STIM2: variants seen among roughly 807,000 people sequenced by gnomAD.
STIM2 encodes stromal interaction molecule 2.
In STIM2, 31 loss-of-function variants were observed where a neutral mutation model predicts 85.8. That is an observed-to-expected ratio of 0.36 (90% CI 0.27 to 0.49). The LOEUF (loss-of-function observed/expected upper bound fraction) is 0.49, where lower values mean the gene tolerates loss of function less well. Among genes scored for constraint, STIM2 ranks in the 20% least tolerant of loss-of-function variants. The pLI is 0.98. For missense variants in STIM2, 841 were observed against 927.6 expected, an observed-to-expected ratio of 0.91 and a Z score of 1.21; for synonymous variants, 356 against 331.1, an observed-to-expected ratio of 1.08 and a Z score of -0.82.
At chr4:26,892,736 T>C (rs1723543385) in intron 1 of STIM2, among the ~76,000 whole-genome samples, 1 of 152,198 alleles carries the variant, frequency 6.6e-6, no homozygotes, top group African/African-American at 2.4e-5. Context: ...CTGGATTAAA[T>C]TATGACGTAG....
intron 7 of STIM2, among the ~76,000 whole-genome samples, chr4:27,005,390 C>G (rs776054642): frequency 4.6e-5 from 7 of 152,122 alleles, no homozygotes; most frequent in Non-Finnish European, 5.9e-5. Context: ...GCCTTAGGAA[C>G]TTACTGAAGG....
intron 1 of STIM2, among the ~76,000 whole-genome samples, chr4:26,888,025 G>A (rs1037814704): frequency 6.6e-6 from 1 of 152,196 alleles, no homozygotes; most frequent in African/African-American, 2.4e-5. Flanking sequence ...CCTGCTGATT[G>A]GATCAGGCCC....
At position 27,002,304 on chromosome 4, in the gene STIM2, A is replaced by G. The variant is rs766823545; in HGVS notation, c.713A>G (p.Asn238Ser). 6 of 1,613,744 alleles carry G rather than the reference A, an allele frequency of 3.7e-6. No homozygotes were observed. In the South Asian group the frequency reaches 6.6e-5, roughly 18 times the overall value. The change falls in exon 6 of 12, where the codon AAT (asparagine) becomes AGT (serine). Residue 238 changes from asparagine to serine, a missense_variant. Around this residue, in one of 3 missense-constraint regions of STIM2, gnomAD observed 408 missense variants for 525.4 expected, o/e 0.78. Coordinates refer to ENST00000467087, the MANE Select transcript of STIM2 (RefSeq NM_020860.4). ...GGCTGCTGGTTTGCTTATACGCAGAATAAGACATCAAAAGAACATGTTGCA... is the reference window on the plus strand; with the variant it reads ...GGCTGCTGGTTTGCTTATACGCAGAGTAAGACATCAAAAGAACATGTTGCA...
chr4:26,951,423 A>C (rs1726047674), intron 2 of STIM2, among the ~76,000 whole-genome samples: 1 of 152,040 alleles, frequency 6.6e-6, no homozygotes, highest in South Asian at 2.1e-4. Flanking sequence ...TTTTCCTAGA[A>C]ATTCTCTCCA....
chr4:26,943,930 A>C (rs1355420167), intron 2 of STIM2, among the ~76,000 whole-genome samples: 1 of 152,126 alleles, frequency 6.6e-6, no homozygotes, highest in East Asian at 1.9e-4. Flanking sequence ...TGTAATTACC[A>C]AAAACAGTTT....
intron 3 of STIM2, among the ~76,000 whole-genome samples, chr4:26,994,337 G>A (rs1404754632): frequency 6.6e-6 from 1 of 151,966 alleles, no homozygotes; most frequent in African/African-American, 2.4e-5. Flanking sequence ...AGCACCCTCT[G>A]TACTTTTGGC....
At chr4:26,872,364 T>C (rs1355428029) in intron 1 of STIM2, among the ~76,000 whole-genome samples, 1 of 152,232 alleles carries the variant, frequency 6.6e-6, no homozygotes, top group Non-Finnish European at 1.5e-5. Flanking sequence ...TTATTTTATA[T>C]GATTTAAAGA....
Position 27,024,156 on chromosome 4 carries a change from A to G in STIM2, c.*1160A>G, listed in dbSNP as rs1729006592. ...AATGTAAAAATGTTCTAATATCAAGATTAACAAATATAAATTTATGGTGCA... is the reference window on the plus strand; with the variant it reads ...AATGTAAAAATGTTCTAATATCAAGGTTAACAAATATAAATTTATGGTGCA... On this transcript the variant is annotated 3_prime_UTR_variant, in exon 12 of 12. Transcript: ENST00000467087. The G allele has an allele frequency of 6.6e-6, 1 of 152,282 alleles. No individual in the cohort carries two copies. Among genetic ancestry groups the G allele is most frequent in the Non-Finnish European group, 1.5e-5 (1 of 68,038 alleles). The allele number at this position is 152,282 out of a possible 1,614,324, so 9.4% of individuals were successfully genotyped here.
intron 3 of STIM2, among the ~76,000 whole-genome samples, chr4:26,960,746 C>T (rs961055400): frequency 6.6e-6 from 1 of 152,060 alleles, no homozygotes; most frequent in African/African-American, 2.4e-5. Context: ...AACTTATTAG[C>T]CATGGCATTA....
Position 26,999,079 on chromosome 4 carries a change from A to G in STIM2, c.510-153A>G, listed in dbSNP as rs553644891. On this transcript the variant is annotated intron_variant, in intron 4 of 11. Transcript: ENST00000467087. ...ACTGAAGAGGTTTTTGAAACATGTAACAAATTATTAAATCACACATGGATG... is the reference window on the plus strand; with the variant it reads ...ACTGAAGAGGTTTTTGAAACATGTAGCAAATTATTAAATCACACATGGATG... Among the ~76,000 whole-genome samples, 288 of 152,272 alleles carry G rather than the reference A, an allele frequency of 1.9e-3. 1 individual carries two copies. The highest frequency in any genetic ancestry group is 3.4e-3 in the Non-Finnish European group (232 of 68,018).
At chr4:26,891,268 C>T (rs1013882078) in intron 1 of STIM2, among the ~76,000 whole-genome samples, 4 of 152,050 alleles carry the variant, frequency 2.6e-5, no homozygotes, top group African/African-American at 9.7e-5. Context: ...GGGCCTTATC[C>T]AATCAGTTGA....
chr4:26,989,047 G>C (rs1028526931), intron 3 of STIM2, among the ~76,000 whole-genome samples: 14 of 152,130 alleles, frequency 9.2e-5, no homozygotes, highest in African/African-American at 3.4e-4. Context: ...AGATTCTCCT[G>C]CCTCAGCCTC....
At chr4:26,964,423 G>A (rs982673175) in intron 3 of STIM2, among the ~76,000 whole-genome samples, 1 of 152,094 alleles carries the variant, frequency 6.6e-6, no homozygotes, top group African/African-American at 2.4e-5. Flanking sequence ...TAGAAGGCCT[G>A]GTAATGTAGA....
At chr4:26,862,007 G>GT (rs1434290270) in intron 1 of STIM2, among the ~76,000 whole-genome samples, 1 of 152,172 alleles carries the variant, frequency 6.6e-6, no homozygotes, top group Non-Finnish European at 1.5e-5. Flanking sequence ...GCATCACTGG[G>GT]TGACAAAGGG....
chr4:26,989,968 A>C lies in STIM2; in HGVS notation c.398-5411A>C, dbSNP rs537593500. Among the ~76,000 whole-genome samples, 4 of 152,326 alleles carry C rather than the reference A, an allele frequency of 2.6e-5. No individual in the cohort carries two copies. The South Asian group carries it at 6.2e-4, about 24-fold the overall frequency. ...ATTAAAGAAATTGAAGAGGATTCAC[A>C]AAAAAGGAAAGATATGCTTATGGAT... On this transcript the variant is annotated intron_variant, in intron 3 of 11. Transcript: ENST00000467087.
intron 3 of STIM2, among the ~76,000 whole-genome samples, chr4:26,980,547 C>T (rs1727343845): frequency 6.7e-6 from 1 of 150,310 alleles, no homozygotes; most frequent in South Asian, 2.1e-4. Context: ...CAAAGAATTA[C>T]CAAGGAATAT....
rs185382835 is a variant in STIM2 at position 26,959,033 on chromosome 4, T to C, written c.397+1307T>C. On this transcript the variant is annotated intron_variant, in intron 3 of 11. Transcript: ENST00000467087. ...CCACCATCGTCTCTTGCCTGGATAA[T>C]TGTGACAGCCTAATTCATCTCCCTG... Among the ~76,000 whole-genome samples, 304 of 152,344 alleles carry C rather than the reference T, an allele frequency of 2.0e-3. 1 individual carries two copies. Among genetic ancestry groups the C allele is most frequent in the Non-Finnish European group, 3.7e-3 (254 of 68,040 alleles).
chr4:26,890,340 G>T (rs111665956), intron 1 of STIM2, among the ~76,000 whole-genome samples: 1 of 152,118 alleles, frequency 6.6e-6, no homozygotes, highest in Admixed American at 6.5e-5. Flanking sequence ...AACCTTCAGG[G>T]CCTGCTTGAT....
intron 1 of STIM2, among the ~76,000 whole-genome samples, chr4:26,886,806 T>G (rs532751426): frequency 2.0e-5 from 3 of 152,280 alleles, no homozygotes; most frequent in African/African-American, 7.2e-5. Context: ...GTGACATGAT[T>G]TGATTTATGT....
Sources: gnomAD v4.1 joint callset for allele counts (sites outside exome capture counted in the v4.1 genomes callset) on GRCh38, gnomAD v4.1.1 for gene constraint, gnomAD v4.1.1 regional missense constraint, MANE v1.5 for transcripts, NCBI Gene and HGNC (gene_info 2026-07-23, HGNC 2026-07-21) for gene names.